Variants in NCR1 observed in about 807,000 individuals in gnomAD.
The protein encoded by NCR1 is natural cytotoxicity triggering receptor 1.
In NCR1, 30 loss-of-function variants were observed where a neutral mutation model predicts 32.5. The observed-to-expected ratio is 0.92, with a 90% CI of 0.69 to 1.25. NCR1 has a LOEUF of 1.25. Ranked by LOEUF, NCR1 falls within the 50% of genes most tolerant of loss-of-function variation. NCR1 has a pLI of 0.00. For missense variants in NCR1, 369 were observed against 380.7 expected (o/e 0.97, Z 0.26); for synonymous variants, 169 against 143.4 (o/e 1.18, Z -1.28).
intron 5 of NCR1, among the ~76,000 whole-genome samples, chr19:54,911,221 C>T (rs1475894841): frequency 2.6e-5 from 4 of 151,610 alleles, no homozygotes; most frequent in Non-Finnish European, 2.9e-5. Context: ...TGGTGGCGGG[C>T]GCCTGTAGTC....
chr19:54,911,177 T>G (rs1472744041), intron 5 of NCR1, among the ~76,000 whole-genome samples: 1 of 151,278 alleles, frequency 6.6e-6, no homozygotes, highest in Admixed American at 6.6e-5. Flanking sequence ...AAACCCTGTC[T>G]CTACTAAAAA....
chr19:54,916,317 C>CTTTTTTTTTTTTTTGTTT (rs2068131411), downstream of NCR1, among the ~76,000 whole-genome samples: 1 of 87,122 alleles, frequency 1.1e-5, no homozygotes, highest in Non-Finnish European at 2.3e-5. Context: ...GAATATTGTG[C>CTTTTTTTTTTTTTTGTTT]TTTTTTTTTT....
At chr19:54,920,550 A>C (rs2146117977), downstream of NCR1, among the ~76,000 whole-genome samples, 1 of 152,288 alleles carries the variant, frequency 6.6e-6, no homozygotes, top group Admixed American at 6.5e-5. Flanking sequence ...GTAAGAGCCC[A>C]GTGTGGCAGC....
the NCR1 span, among the ~76,000 whole-genome samples, chr19:54,921,798 A>G: frequency 1.3e-5 from 2 of 151,204 alleles, no homozygotes; most frequent in Non-Finnish European, 1.5e-5. Flanking sequence ...AAAAAAAAGA[A>G]AAGAAAACTT....
upstream of NCR1, among the ~76,000 whole-genome samples, chr19:54,904,526 C>G (rs868245762): frequency 7.7e-6 from 1 of 129,118 alleles, no homozygotes; most frequent in African/African-American, 2.9e-5. Flanking sequence ...ATTTGGTTTT[C>G]TTTTCTTTTT....
chr19:54,929,355 ACT>A, the NCR1 span, among the ~76,000 whole-genome samples: 9 of 151,628 alleles, frequency 5.9e-5, no homozygotes, highest in South Asian at 2.1e-4. Context: ...ACAAAGCGAG[ACT>A]CTGTCTGAAA....
chr19:54,908,050 G>A (rs1462140875), intron 3 of NCR1, among the ~76,000 whole-genome samples: 1 of 151,854 alleles, frequency 6.6e-6, no homozygotes, highest in Non-Finnish European at 1.5e-5. Flanking sequence ...GGATTTGGCA[G>A]GGTCATAGGA....
chr19:54,931,501 G>A, the NCR1 span, among the ~76,000 whole-genome samples: 8 of 152,088 alleles, frequency 5.3e-5, no homozygotes, highest in African/African-American at 1.9e-4. Context: ...ACCAGCCTAA[G>A]CAATATGGAG....
At chr19:54,927,811 T>A in the NCR1 span, 1 of 1,598,010 alleles carries the variant, frequency 6.3e-7, no homozygotes, top group South Asian at 1.1e-5. Context: ...ACGCATTCAC[T>A]GAGCAGGTAG....
chr19:54,936,185 C>T, the NCR1 span: 1 of 1,358,302 alleles, frequency 7.4e-7, no homozygotes, highest in Non-Finnish European at 1.1e-6. Flanking sequence ...GAGTGGTTAC[C>T]CTTTTTCCTA....
the NCR1 span, chr19:54,934,717 T>G: frequency 1.7e-6 from 1 of 602,750 alleles, no homozygotes; most frequent in Non-Finnish European, 2.3e-6. This position sits in a 1 kb window ranked among gnomAD's most constrained non-coding sequence, Gnocchi z 6.7. Flanking sequence ...CCCTATCAGC[T>G]TTTTTTTTTT....
chr19:54,912,888 A>AC lies in NCR1; in HGVS notation c.*18dup, dbSNP rs374964678. On this transcript the variant is annotated 3_prime_UTR_variant, in exon 7 of 7. Coordinates refer to ENST00000291890, the MANE Select transcript of NCR1 (RefSeq NM_004829.7). ...ACTCTTTGAAGAATGACCATGAGAC[A>AC]CAGTGGCCATGGGTGGATCTGAAAG... 50 of 1,600,926 alleles carry AC rather than the reference A, an allele frequency of 3.1e-5. No individual in the cohort carries two copies. The African/African-American group carries it at 6.0e-4, about 19-fold the overall frequency.
the NCR1 span, among the ~76,000 whole-genome samples, chr19:54,928,804 T>C: frequency 9.5e-6 from 1 of 105,522 alleles, no homozygotes; most frequent in East Asian, 3.9e-4. Flanking sequence ...TAGAAGCCTT[T>C]GGTTTTGTTT....
At chr19:54,930,285 G>A in the NCR1 span, among the ~76,000 whole-genome samples, 5 of 151,514 alleles carry the variant, frequency 3.3e-5, no homozygotes, top group African/African-American at 9.7e-5. Flanking sequence ...CGGGAAAGAT[G>A]ACAAGACCTC....
At chr19:54,917,339 A>C (rs1343842815), downstream of NCR1, among the ~76,000 whole-genome samples, 3 of 151,428 alleles carry the variant, frequency 2.0e-5, no homozygotes, top group East Asian at 6.0e-4. Context: ...AAAACAAAAA[A>C]ACTACAGTCT....
the NCR1 span, among the ~76,000 whole-genome samples, chr19:54,900,142 TCTC>T: frequency 6.6e-6 from 1 of 152,024 alleles, no homozygotes; most frequent in South Asian, 2.1e-4. Flanking sequence ...AGGGGATTGA[TCTC>T]CTAAGGAAGA....
the NCR1 span, among the ~76,000 whole-genome samples, chr19:54,922,136 G>A: frequency 1.3e-5 from 2 of 151,982 alleles, no homozygotes; most frequent in South Asian, 2.1e-4. Flanking sequence ...CAGGTGATCC[G>A]CCCGCCTCGG....
At chr19:54,936,047 G>C in the NCR1 span, among the ~76,000 whole-genome samples, 35 of 152,270 alleles carry the variant, frequency 2.3e-4, no homozygotes, top group East Asian at 6.6e-3. Context: ...CACAGAATTC[G>C]GGGTGTTTCT....
the NCR1 span, among the ~76,000 whole-genome samples, chr19:54,932,131 A>G: frequency 6.6e-6 from 1 of 152,086 alleles, no homozygotes; most frequent in South Asian, 2.1e-4. Context: ...TGTTTGTTTA[A>G]CAATAGTTAT....
Sources: gnomAD v4.1 joint callset for allele counts (sites outside exome capture counted in the v4.1 genomes callset) on GRCh38, gnomAD v4.1.1 for gene constraint, Gnocchi (gnomAD v3.1) non-coding constraint, MANE v1.5 for transcripts, NCBI Gene and HGNC (gene_info 2026-07-23, HGNC 2026-07-21) for gene names.